The following SH3RF3 variants were observed in gnomAD, a reference collection of about 807,000 sequenced individuals.
The protein encoded by SH3RF3 is SH3 domain containing ring finger 3.
Under a neutral mutation model 66.3 loss-of-function variants are expected in SH3RF3, and 29 were observed. That is an observed-to-expected ratio of 0.44 (90% CI 0.33 to 0.60). SH3RF3 has a LOEUF of 0.60. Ranked by LOEUF, SH3RF3 falls within the 20% of genes least tolerant of loss-of-function variation. SH3RF3 has a pLI of 0.04. For synonymous variants in SH3RF3, 583 were observed against 532.0 expected (o/e 1.10, Z -1.32); for missense variants, 1,194 against 1,190.9 (o/e 1.00, Z -0.04).
intron 2 of SH3RF3, 122 bp from the exon 3 acceptor site, chr2:109,371,462 ACT>A (rs1683269159): frequency 1.4e-6 from 1 of 691,218 alleles, no homozygotes. Context: ...TGGATAATGC[ACT>A]CTTCTTGAAC....
chr2:109,132,580 T>C (rs572886947), intron 1 of SH3RF3, among the ~76,000 whole-genome samples: 29 of 152,322 alleles, frequency 1.9e-4, no homozygotes, highest in Admixed American at 9.1e-4. Context: ...CGAGTACCCA[T>C]AGCCTAAGAT....
chr2:109,364,210 T>C lies in SH3RF3; in HGVS notation c.850-7376T>C, dbSNP rs140174498. 2.7e-3 allele frequency among the ~76,000 whole-genome samples: 412 copies of C among 151,886 alleles called. 2 individuals carry two copies. The highest frequency in any genetic ancestry group is 9.5e-3 in the African/African-American group (395 of 41,440). ...TCTGTTTGCTTTTCCATGGTGGAGG[T>C]TTCTATTGAGATATCCTCAAGCTCA... On this transcript the variant is annotated intron_variant, in intron 2 of 9. Coordinates refer to ENST00000309415, the MANE Select transcript of SH3RF3 (RefSeq NM_001099289.3).
intron 1 of SH3RF3, among the ~76,000 whole-genome samples, chr2:109,133,268 G>GT (rs1394709451): frequency 6.6e-6 from 1 of 152,176 alleles, no homozygotes; most frequent in Non-Finnish European, 1.5e-5. Context: ...AGCCTAATAA[G>GT]TTTATCTGTA....
chr2:109,348,228 C>A (rs1435675422), intron 2 of SH3RF3, among the ~76,000 whole-genome samples: 3 of 152,208 alleles, frequency 2.0e-5, no homozygotes, highest in Non-Finnish European at 4.4e-5. Context: ...TCCATCAGCA[C>A]CAGGAGCAGA....
At chr2:109,494,861 G>A (rs571717313) in intron 9 of SH3RF3, among the ~76,000 whole-genome samples, 59 of 152,250 alleles carry the variant, frequency 3.9e-4, no homozygotes, top group African/African-American at 1.3e-3. Context: ...GAGAGCGGGC[G>A]CTGCTCTCCT....
rs774230913 is a variant in SH3RF3, at chr2:109,449,205, A to T, written c.1864A>T (p.Thr622Ser). 15 of 1,613,478 alleles carry T rather than the reference A, an allele frequency of 9.3e-6. No homozygotes were observed. The highest frequency in any genetic ancestry group is 1.3e-5 in the Non-Finnish European group (15 of 1,179,810). ...HSAAQAQDRP[T>S]ATVSPLRTQN... The stretch of plus-strand genomic sequence containing the variant: ...TGCAGCCCAGGCTCAGGACCGGCCA[A>T]CTGCCACCGTGTCACCCCTGCGCAC... Residue 622 changes from threonine (T) to serine (S), a missense_variant, in exon 8 of 10, where the codon ACT becomes TCT. Transcript: ENST00000309415.
At chr2:109,421,704 G>A (rs923247480) in intron 5 of SH3RF3, among the ~76,000 whole-genome samples, 2 of 152,170 alleles carry the variant, frequency 1.3e-5, no homozygotes, top group Admixed American at 1.3e-4. Flanking sequence ...TTGGGTAAGA[G>A]GGAAGGGAAA....
At chr2:109,263,791 G>A (rs1680413971) in intron 1 of SH3RF3, among the ~76,000 whole-genome samples, 1 of 152,098 alleles carries the variant, frequency 6.6e-6, no homozygotes, top group Non-Finnish European at 1.5e-5. Flanking sequence ...ACTGTGAAAT[G>A]CCGTCTCTAC....
At chr2:109,303,444 T>C (rs1681518424) in intron 1 of SH3RF3, among the ~76,000 whole-genome samples, 1 of 152,188 alleles carries the variant, frequency 6.6e-6, no homozygotes, top group African/African-American at 2.4e-5. Context: ...TTGTGTAGAC[T>C]GGTACATGGC....
chr2:109,350,171 G>T (rs1211320382), intron 2 of SH3RF3, among the ~76,000 whole-genome samples: 4 of 152,218 alleles, frequency 2.6e-5, no homozygotes, highest in Non-Finnish European at 4.4e-5. Flanking sequence ...CTCATTCTGC[G>T]GTTGGCATGT....
chr2:109,431,480 A>G (rs910969276), intron 5 of SH3RF3, among the ~76,000 whole-genome samples: 4 of 152,250 alleles, frequency 2.6e-5, no homozygotes, highest in African/African-American at 7.2e-5. Context: ...ATATAGGTAT[A>G]GTTAAGTATT....
At chr2:109,272,212 CA>C (rs1680643701) in intron 1 of SH3RF3, among the ~76,000 whole-genome samples, 1 of 152,240 alleles carries the variant, frequency 6.6e-6, no homozygotes. Flanking sequence ...GACTGTCTGA[CA>C]GCCTTTTTCC....
chr2:109,355,966 T>C (rs900153375), intron 2 of SH3RF3, among the ~76,000 whole-genome samples: 5 of 152,314 alleles, frequency 3.3e-5, no homozygotes, highest in Admixed American at 3.3e-4. Context: ...GTTTCCCTGG[T>C]CCTGCATTGG....
At chr2:109,420,832 ACACT>A (rs1676858175) in intron 5 of SH3RF3, among the ~76,000 whole-genome samples, 1 of 152,232 alleles carries the variant, frequency 6.6e-6, no homozygotes, top group South Asian at 2.1e-4. Context: ...CTGCTGGCAC[ACACT>A]CACCCACCTC....
At chr2:109,262,999 G>A (rs531076802) in intron 1 of SH3RF3, among the ~76,000 whole-genome samples, 15 of 149,218 alleles carry the variant, frequency 1.0e-4, no homozygotes, top group African/African-American at 2.2e-4. Flanking sequence ...CACCTGGCTC[G>A]TTTTTTGTAT....
chr2:109,418,896 C>A (rs1049000004), intron 4 of SH3RF3, among the ~76,000 whole-genome samples: 3 of 152,164 alleles, frequency 2.0e-5, no homozygotes, highest in African/African-American at 7.2e-5. Flanking sequence ...GTAGGAATTC[C>A]CTTGGCAAGA....
chr2:109,166,611 T>G (rs1194852972), intron 1 of SH3RF3, among the ~76,000 whole-genome samples: 1 of 152,188 alleles, frequency 6.6e-6, no homozygotes, highest in East Asian at 1.9e-4. Context: ...GAAAATATTT[T>G]GAGACATTCC....
chr2:109,391,330 C>CT (rs1675986918), intron 3 of SH3RF3, among the ~76,000 whole-genome samples: 1 of 152,208 alleles, frequency 6.6e-6, no homozygotes, highest in Non-Finnish European at 1.5e-5. Context: ...GGGACCAGGG[C>CT]TAGAATGCAA....
rs752690714 is a variant in SH3RF3, at chr2:109,449,332, C to T, written c.1991C>T (p.Pro664Leu). Reference protein sequence around the residue: ...HQPPVQMCPRPAIPLTSAASA... With the variant: ...HQPPVQMCPRLAIPLTSAASA... ...CCCCCGGTGCAGATGTGCCCACGGCCGGCCATCCCCCTCACATCAGCAGCA... is the reference window on the plus strand; with the variant it reads ...CCCCCGGTGCAGATGTGCCCACGGCTGGCCATCCCCCTCACATCAGCAGCA... Residue 664 changes from proline (P) to leucine (L), a missense_variant, in exon 8 of 10, where the codon CCG (proline) becomes CTG (leucine). By Grantham distance (98) the Pro-to-Leu change is moderately conservative. Transcript: ENST00000309415. 13 of 1,604,756 alleles carry T rather than the reference C, an allele frequency of 8.1e-6. No individual in the cohort carries two copies. The highest frequency in any genetic ancestry group is 7.8e-5 in the South Asian group (7 of 89,560).
Sources: gnomAD v4.1 joint callset for allele counts (sites outside exome capture counted in the v4.1 genomes callset) on GRCh38, gnomAD v4.1.1 for gene constraint, MANE v1.5 for transcripts, NCBI Gene and HGNC (gene_info 2026-07-23, HGNC 2026-07-21) for gene names.